SAMMSON: variants seen among roughly 807,000 people sequenced by gnomAD.
SAMMSON encodes long intergenic non-protein coding RNA 1212.
chr3:70,099,707 C>G (rs2067335370), intron 4 of SAMMSON, among the ~76,000 whole-genome samples: 1 of 152,156 alleles, frequency 6.6e-6, no homozygotes, highest in African/African-American at 2.4e-5. Flanking sequence ...TCTAAACATT[C>G]TCCATCTCCT....
intron 4 of SAMMSON, chr3:70,126,154 G>T: frequency 1.6e-6 from 2 of 1,237,666 alleles, no homozygotes; most frequent in Admixed American, 2.0e-5. Context: ...CTTGAGGCAT[G>T]AATTAAGAAA....
chr3:70,291,432 A>G (rs901055067), intron 7 of SAMMSON, among the ~76,000 whole-genome samples: 2 of 152,192 alleles, frequency 1.3e-5, no homozygotes, highest in African/African-American at 4.8e-5. Flanking sequence ...AAGTAGAGCT[A>G]TTAGCTACCT....
chr3:70,206,840 G>A, intron 4 of SAMMSON: 1 of 396,600 alleles, frequency 2.5e-6, no homozygotes, highest in Non-Finnish European at 4.4e-6. Context: ...TGGTTTACGT[G>A]ACCTAGTGAC....
At chr3:70,356,317 A>T (rs1702828969) in intron 8 of SAMMSON, among the ~76,000 whole-genome samples, 1 of 152,174 alleles carries the variant, frequency 6.6e-6, no homozygotes, top group African/African-American at 2.4e-5. Context: ...GACAACCATT[A>T]AGATTTTGGC....
intron 4 of SAMMSON, among the ~76,000 whole-genome samples, chr3:70,211,199 CT>C (rs1701341158): frequency 6.7e-6 from 1 of 149,852 alleles, no homozygotes. Context: ...TTTCCTTTTC[CT>C]TTCCCCCTTC....
At chr3:70,245,671 T>TTATATATATATA (rs34480688) in intron 4 of SAMMSON, among the ~76,000 whole-genome samples, 9 of 57,238 alleles carry the variant, frequency 1.6e-4, no homozygotes, top group Admixed American at 2.5e-4. Context: ...GCAAACTGCT[T>TTATATATATATA]TATATATATA....
intron 3 of SAMMSON, among the ~76,000 whole-genome samples, chr3:70,054,315 C>A (rs1208935392): frequency 6.6e-6 from 1 of 152,088 alleles, no homozygotes; most frequent in Non-Finnish European, 1.5e-5. Flanking sequence ...GGCATAACTC[C>A]TTTAAAAGCA....
At chr3:70,238,645 C>T (rs959995854) in intron 4 of SAMMSON, among the ~76,000 whole-genome samples, 1 of 151,850 alleles carries the variant, frequency 6.6e-6, no homozygotes, top group Non-Finnish European at 1.5e-5. Flanking sequence ...GAGAATAAAC[C>T]CCCAAAAGGG....
At chr3:70,424,257 T>C (rs9812398) in intron 2 of SAMMSON, among the ~76,000 whole-genome samples, 68,272 of 151,578 alleles carry the variant, frequency 0.45, 15,638 homozygotes, top group African/African-American at 0.53. Context: ...ACATAAAAGC[T>C]ATGTGCTTAA....
At position 70,308,616 on chromosome 3, in the gene SAMMSON, A is replaced by G. The variant is rs142909679; in HGVS notation, n.739+17373A>G. Among the ~76,000 whole-genome samples, 479 of 152,314 alleles carry G rather than the reference A, an allele frequency of 3.1e-3. 2 individuals carry two copies. Among genetic ancestry groups the G allele is most frequent in the African/African-American group, 0.011 (451 of 41,576 alleles). On this transcript the variant is annotated intron_variant and non_coding_transcript_variant, in intron 7 of 9. Coordinates refer to ENST00000642114, the Ensembl canonical transcript of SAMMSON. The stretch of plus-strand genomic sequence containing the variant: ...CCTCTTTGCCTTCCTGGCAAAAGCA[A>G]GACGATTGAATGAGATGAATGAATA...
chr3:70,159,649 C>T (rs543632310), intron 4 of SAMMSON: 1 of 151,940 alleles, frequency 6.6e-6, no homozygotes, highest in East Asian at 1.9e-4. Context: ...GCAACCACCT[C>T]TTGGGTTCAA....
chr3:70,389,639 T>TGTGACATCTTGAGACATCTGAG (rs1220407796), exon 10 of SAMMSON: 1 of 152,142 alleles, frequency 6.6e-6, no homozygotes, highest in Non-Finnish European at 1.5e-5. Context: ...GTACAGCTGA[T>TGTGACATCTTGAGACATCTGAG]GTGACATCTT....
intron 4 of SAMMSON, among the ~76,000 whole-genome samples, chr3:70,215,138 CTT>C (rs1405133416): frequency 6.6e-6 from 1 of 152,090 alleles, no homozygotes; most frequent in Non-Finnish European, 1.5e-5. Flanking sequence ...CTTAAAGTCT[CTT>C]ATGTGCATTA....
At chr3:70,256,614 G>A (rs1359787601) in intron 6 of SAMMSON, among the ~76,000 whole-genome samples, 1 of 152,144 alleles carries the variant, frequency 6.6e-6, no homozygotes. Flanking sequence ...TAATGGGAAA[G>A]TAAAGTAAAT....
At chr3:70,354,991 C>T (rs1372368178) in intron 8 of SAMMSON, among the ~76,000 whole-genome samples, 1 of 152,092 alleles carries the variant, frequency 6.6e-6, no homozygotes, top group Non-Finnish European at 1.5e-5. Flanking sequence ...TTTACCACGA[C>T]TCAGCAATAG....
intron 9 of SAMMSON, among the ~76,000 whole-genome samples, chr3:70,374,646 G>A (rs1702996851): frequency 6.6e-6 from 1 of 152,148 alleles, no homozygotes; most frequent in South Asian, 2.1e-4. Context: ...CCATGAGGAA[G>A]AGAAGAGCCT....
At chr3:70,313,216 C>T (rs967158395) in intron 7 of SAMMSON, among the ~76,000 whole-genome samples, 4 of 152,142 alleles carry the variant, frequency 2.6e-5, no homozygotes, top group Non-Finnish European at 5.9e-5. Context: ...GTAATCCCAG[C>T]ACTTTGAGGA....
intron 7 of SAMMSON, chr3:70,332,714 C>T (rs2106723347): frequency 6.6e-6 from 1 of 152,464 alleles, no homozygotes; most frequent in East Asian, 1.9e-4. Flanking sequence ...TCTCCTACCT[C>T]AGACTCCCGA....
At chr3:70,405,388 C>A (rs1302538020) in intron 2 of SAMMSON, among the ~76,000 whole-genome samples, 1 of 151,780 alleles carries the variant, frequency 6.6e-6, no homozygotes, top group African/African-American at 2.4e-5. Flanking sequence ...TACTACACAC[C>A]CATAGTATAG....
Sources: allele counts gnomAD v4.1 joint callset (sites outside exome capture counted in the v4.1 genomes callset), GRCh38; gene constraint gnomAD v4.1.1; transcripts MANE v1.5; gene names NCBI Gene and HGNC (gene_info 2026-07-23, HGNC 2026-07-21).